TRRAP: variants seen among roughly 807,000 people sequenced by gnomAD.
TRRAP encodes transformation/transcription domain-associated protein.
Under a neutral mutation model 438.8 loss-of-function variants are expected in TRRAP, and 41 were observed. That is an observed-to-expected ratio of 0.09 (90% confidence interval 0.07 to 0.12). TRRAP has a LOEUF of 0.12. Ranked by LOEUF, TRRAP falls within the 10% of genes least tolerant of loss-of-function variation. The pLI is 1.00. For missense variants in TRRAP, 3,122 were observed against 5,055.1 expected (o/e 0.62, Z 11.60); for synonymous variants, 1,994 against 1,962.9 (o/e 1.02, Z -0.42).
rs2116883572 is a variant in TRRAP at position 99,011,025 on chromosome 7, G to A, written c.10939-27G>A. 1 of 1,593,854 alleles carries A rather than the reference G, an allele frequency of 6.3e-7. No individual in the cohort carries two copies. The highest frequency in any genetic ancestry group is 8.6e-7 in the Non-Finnish European group (1 of 1,164,494). ...CCAAAAAAAATCAGTGAGTGAGATG[G>A]GAGTGTCACGGAGCGCTGTGTTTCA... is the stretch of plus-strand genomic sequence containing the variant. On this transcript the variant is annotated intron_variant, in intron 70 of 72. Coordinates refer to ENST00000456197, the MANE Select transcript of TRRAP (RefSeq NM_001375524.1). The surrounding 1 kb of genome is among the most constrained non-coding windows in gnomAD (Gnocchi z 7.1).
At chr7:98,943,464 G>C (rs1554416133) in intron 31 of TRRAP, among the ~76,000 whole-genome samples, 1 of 152,162 alleles carries the variant, frequency 6.6e-6, no homozygotes, top group Non-Finnish European at 1.5e-5. Context: ...TGGTTTTTGG[G>C]ACTGAAAGCT....
At chr7:98,981,091 T>C (rs1192893692) in intron 58 of TRRAP, among the ~76,000 whole-genome samples, 2 of 151,894 alleles carry the variant, frequency 1.3e-5, no homozygotes, top group African/African-American at 2.4e-5. Flanking sequence ...GAGATTAATA[T>C]ATATATAACA....
At chr7:98,920,925 C>T (rs906547269) in intron 20 of TRRAP, among the ~76,000 whole-genome samples, 22 of 152,152 alleles carry the variant, frequency 1.4e-4, no homozygotes, top group Non-Finnish European at 2.5e-4. Context: ...CCAAAACCTC[C>T]GCCTCCTGGG....
chr7:98,995,773 C>T (rs1793624698), intron 67 of TRRAP, among the ~76,000 whole-genome samples: 1 of 150,772 alleles, frequency 6.6e-6, no homozygotes, highest in African/African-American at 2.4e-5. Context: ...TATCCTATCA[C>T]CTGCATCCCA....
In TRRAP at chr7:98,917,665, G is replaced by T; in HGVS notation, c.2608G>T (p.Ala870Ser). 6.2e-7 allele frequency: 1 copy of T among 1,614,010 alleles called. No homozygotes were observed. The highest frequency in any genetic ancestry group is 8.5e-7 in the Non-Finnish European group (1 of 1,179,910). Residue 870 changes from alanine to serine, a missense_variant, in exon 20 of 73, where the codon GCA (alanine) becomes TCA (serine). Ala to Ser is a moderately conservative substitution (Grantham distance 99). Around this residue, in one of 24 missense-constraint regions of TRRAP, gnomAD observed 20 missense variants for 100.7 expected, o/e 0.20. Coordinates refer to ENST00000456197, the MANE Select transcript of TRRAP (RefSeq NM_001375524.1). Reference sequence around the variant, plus strand: ...CTACGACCACATCCAGCCGGTGCGCGCAGAGCTCATGCAGGTAGGATTTTA... The same window carrying T: ...CTACGACCACATCCAGCCGGTGCGCTCAGAGCTCATGCAGGTAGGATTTTA... Reference protein sequence around the residue: ...FLYDHIQPVRAELMQALWRTL... With the variant: ...FLYDHIQPVRSELMQALWRTL...
rs143457391 is a variant in TRRAP, at chr7:99,000,001, GTTTA to G, written c.10310-4169_10310-4166del. On this transcript the variant is annotated intron_variant, in intron 67 of 72. Transcript: ENST00000456197. The stretch of plus-strand genomic sequence containing the variant: ...AGCACCGCAATCTGTATTTCAGTTT[GTTTA>G]TTTATTTATTTATTTATTTTAAGGT... 4.6e-5 allele frequency: 8 copies of G among 173,048 alleles called. No individual in the cohort carries two copies. The East Asian group carries it at 6.5e-4, about 14-fold the overall frequency. 10.7% of individuals were successfully genotyped at this position (173,048 alleles called of 1,614,324 possible). A position where few individuals can be genotyped will look rare whatever the true frequency, so the allele number is the denominator to read the frequency against.
At chr7:98,932,780 C>T (rs189899559) in intron 26 of TRRAP, among the ~76,000 whole-genome samples, 53 of 152,164 alleles carry the variant, frequency 3.5e-4, no homozygotes, top group African/African-American at 9.2e-4. Flanking sequence ...TTTCTTGTCA[C>T]GTTATTTTTT....
At chr7:98,999,221 C>T (rs1793806186) in intron 67 of TRRAP, 2 of 1,300,546 alleles carry the variant, frequency 1.5e-6, no homozygotes, top group Non-Finnish European at 2.2e-6. Flanking sequence ...ACAGGCTTCA[C>T]TCCAAGAAGT....
chr7:98,922,386 G>C (rs570061989), intron 21 of TRRAP, among the ~76,000 whole-genome samples: 1 of 152,222 alleles, frequency 6.6e-6, no homozygotes, highest in Non-Finnish European at 1.5e-5. Context: ...GTCTCTGTTA[G>C]GCCCTTTAGA....
intron 30 of TRRAP, among the ~76,000 whole-genome samples, chr7:98,940,253 A>G (rs1044256346): frequency 4.0e-5 from 6 of 151,538 alleles, no homozygotes; most frequent in African/African-American, 1.5e-4. Flanking sequence ...CAGTGGCGCG[A>G]TCTCGGCTCA....
chr7:98,983,874 T>A (rs1793043714), intron 60 of TRRAP, among the ~76,000 whole-genome samples: 1 of 152,158 alleles, frequency 6.6e-6, no homozygotes. Flanking sequence ...CTTTGTCATT[T>A]TATGATTTGG....
In TRRAP at chr7:98,927,244, T is replaced by C; in HGVS notation, c.3053T>C (p.Phe1018Ser). Residue 1018 changes from phenylalanine (F) to serine (S), a missense_variant, in exon 23 of 73, where the codon TTT becomes TCT. Coordinates refer to ENST00000456197, the MANE Select transcript of TRRAP (RefSeq NM_001375524.1). ...KAQDTPARKT[F>S]EQALTGAFMS... Reference sequence around the variant, plus strand: ...CAGGACACTCCAGCCCGGAAGACTTTTGAGCAGGCCCTGACAGGCGCCTTC... The same window carrying C: ...CAGGACACTCCAGCCCGGAAGACTTCTGAGCAGGCCCTGACAGGCGCCTTC... 1 of 1,614,232 alleles carries C rather than the reference T, an allele frequency of 6.2e-7. No individual in the cohort carries two copies. The highest frequency in any genetic ancestry group is 1.1e-5 in the South Asian group (1 of 91,086).
chr7:99,012,391 G>A lies in TRRAP; in HGVS notation c.*36G>A, dbSNP rs763365984. 1.2e-5 allele frequency: 18 copies of A among 1,545,400 alleles called. No homozygotes were observed. The highest frequency in any genetic ancestry group is 5.9e-5 in the South Asian group (5 of 84,088). ...CACGGCCACCCGGAATGTGAAGGGC[G>A]CTCCGGGCTCTGAGCCCGCAGCTTT... On this transcript the variant is annotated 3_prime_UTR_variant, in exon 73 of 73. Transcript: ENST00000456197. This position sits in a 1 kb window ranked among gnomAD's most constrained non-coding sequence, Gnocchi z 5.9.
intron 3 of TRRAP, among the ~76,000 whole-genome samples, chr7:98,886,676 A>C (rs550348966): frequency 9.2e-4 from 140 of 152,336 alleles, no homozygotes; most frequent in South Asian, 6.4e-3. Context: ...GCAGTTCTCT[A>C]AATTACTACC....
chr7:98,927,129 T>C (rs782152051), intron 22 of TRRAP, 38 bp from the exon 23 acceptor site: 1 of 1,611,598 alleles, frequency 6.2e-7, no homozygotes, highest in African/African-American at 1.3e-5. Context: ...AGCTCAGGAG[T>C]TGGGTGTCGT....
intron 52 of TRRAP, 26 bp downstream of exon 52, chr7:98,970,317 A>G: frequency 6.2e-7 from 1 of 1,606,376 alleles, no homozygotes; most frequent in Admixed American, 1.7e-5. Context: ...CCACAGGCAG[A>G]ATCCCAGAGA....
chr7:98,942,310 G>A (rs1033446333), intron 30 of TRRAP, among the ~76,000 whole-genome samples: 2 of 152,172 alleles, frequency 1.3e-5, no homozygotes, highest in Admixed American at 6.5e-5. Flanking sequence ...CCTTCCCTAG[G>A]GTCCCCATTG....
At chr7:98,975,626 G>C (rs1354539693) in intron 53 of TRRAP, among the ~76,000 whole-genome samples, 2 of 152,204 alleles carry the variant, frequency 1.3e-5, no homozygotes, top group African/African-American at 2.4e-5. Context: ...ATTCTCTTCT[G>C]TTCTGTTTCA....
intron 20 of TRRAP, among the ~76,000 whole-genome samples, chr7:98,918,122 A>T (rs1380367061): frequency 6.9e-6 from 1 of 144,098 alleles, no homozygotes; most frequent in Non-Finnish European, 1.5e-5. Flanking sequence ...CCCTGTCTCA[A>T]AAAAAAAAAA....
Sources: gnomAD v4.1 joint callset for allele counts (sites outside exome capture counted in the v4.1 genomes callset) on GRCh38, gnomAD v4.1.1 for gene constraint, gnomAD v4.1.1 regional missense constraint, Gnocchi (gnomAD v3.1) non-coding constraint, MANE v1.5 for transcripts, NCBI Gene and HGNC (gene_info 2026-07-23, HGNC 2026-07-21) for gene names.